Variants in MALRD1 observed in about 807,000 individuals in gnomAD.
MALRD1 encodes MAM and LDL-receptor class A domain-containing protein 1.
MALRD1 carries 247 observed loss-of-function variants against 242.1 expected under a neutral mutation model. That is an observed-to-expected ratio of 1.02 (90% CI 0.92 to 1.13). The LOEUF (loss-of-function observed/expected upper bound fraction) is 1.13, where lower values mean the gene tolerates loss of function less well. MALRD1 is among the 50% of genes most tolerant of loss of function. The pLI is 0.00. For synonymous variants in MALRD1, 995 were observed against 866.6 expected, an observed-to-expected ratio of 1.15 and a Z score of -2.60; for missense variants, 2,989 against 2,533.1, an observed-to-expected ratio of 1.18 and a Z score of -3.86.
intron 14 of MALRD1, 92 bp downstream of exon 14, chr10:19,175,420 C>T: frequency 1.1e-6 from 1 of 898,292 alleles, no homozygotes. Flanking sequence ...TCACGAATAC[C>T]TAATACAGGG....
At position 19,567,603 on chromosome 10, in the gene MALRD1, C is replaced by T. The variant is rs1206936211; in HGVS notation, c.5580C>T (p.Asn1860=). ...ATGGCTCTGTGCCTCTCTCCAGTAA[C>T]AGTCCGTTTAAGGTGGCATTTGAAG... ...WTYGSVPLSS[N]SPFKVAFEAD... Residue 1860 remains asparagine (N), a synonymous_variant, in exon 33 of 40, where the codon AAC becomes AAT. Coordinates refer to ENST00000454679, the MANE Select transcript of MALRD1 (RefSeq NM_001142308.3). 1 of 1,550,616 alleles carries T rather than the reference C, an allele frequency of 6.4e-7. No individual in the cohort carries two copies. The highest frequency in any genetic ancestry group is 2.4e-5 in the East Asian group (1 of 40,900).
At chr10:19,731,202 G>A (rs1835281524) in intron 39 of MALRD1, among the ~76,000 whole-genome samples, 1 of 152,178 alleles carries the variant, frequency 6.6e-6, no homozygotes, top group Non-Finnish European at 1.5e-5. Context: ...AGGGTGACTA[G>A]TGAGGGCCAT....
chr10:19,513,748 G>A (rs373831188), intron 31 of MALRD1, among the ~76,000 whole-genome samples: 7 of 149,368 alleles, frequency 4.7e-5, no homozygotes, highest in East Asian at 2.0e-4. Flanking sequence ...CAAAAGAAAA[G>A]AAAAAAAAAA....
intron 29 of MALRD1, among the ~76,000 whole-genome samples, chr10:19,465,089 T>C (rs899749148): frequency 6.6e-6 from 1 of 152,134 alleles, no homozygotes; most frequent in Non-Finnish European, 1.5e-5. Flanking sequence ...GCTGAATTTA[T>C]CAGTTTTAGG....
At chr10:19,705,361 A>T (rs1833814861) in intron 38 of MALRD1, among the ~76,000 whole-genome samples, 1 of 152,194 alleles carries the variant, frequency 6.6e-6, no homozygotes, top group Admixed American at 6.5e-5. Context: ...ACTTAGCCTT[A>T]GCAAACTGGA....
chr10:19,311,243 T>G (rs1215985281), intron 21 of MALRD1, among the ~76,000 whole-genome samples: 2 of 151,426 alleles, frequency 1.3e-5, no homozygotes, highest in Admixed American at 1.3e-4. Context: ...GATATGTTAC[T>G]TTTATTAACC....
chr10:19,286,793 G>A (rs11594285), intron 21 of MALRD1, among the ~76,000 whole-genome samples: 7,690 of 149,282 alleles, frequency 0.052, 243 homozygotes, highest in Middle Eastern at 0.14. Flanking sequence ...CAATAGAAAA[G>A]GAGGGAATCC....
At chr10:19,334,651 A>T (rs1002278313) in intron 24 of MALRD1, among the ~76,000 whole-genome samples, 1 of 151,914 alleles carries the variant, frequency 6.6e-6, no homozygotes, top group African/African-American at 2.4e-5. Context: ...ATTATTTATT[A>T]TATCCATTAT....
intron 1 of MALRD1, among the ~76,000 whole-genome samples, chr10:19,062,948 T>A (rs1834865230): frequency 6.6e-6 from 1 of 152,054 alleles, no homozygotes. Context: ...AAGTTCAAGA[T>A]TAGCCTGAGT....
intron 5 of MALRD1, among the ~76,000 whole-genome samples, chr10:19,109,313 G>T (rs573222168): frequency 1.3e-5 from 2 of 152,280 alleles, no homozygotes; most frequent in East Asian, 3.9e-4. Flanking sequence ...GCTGTTTCGT[G>T]TATTGAGGGT....
intron 2 of MALRD1, among the ~76,000 whole-genome samples, chr10:19,072,084 A>G (rs1399127523): frequency 6.6e-6 from 1 of 152,082 alleles, no homozygotes; most frequent in African/African-American, 2.4e-5. Flanking sequence ...ACCAGCAACC[A>G]TTTTCTTATC....
At chr10:19,698,549 A>G (rs549539341) in intron 38 of MALRD1, among the ~76,000 whole-genome samples, 3 of 152,282 alleles carry the variant, frequency 2.0e-5, no homozygotes, top group South Asian at 2.1e-4. Context: ...ATAGTGCGGT[A>G]TCTTTGGTGA....
At chr10:19,080,267 A>G (rs1835443481) in intron 2 of MALRD1, among the ~76,000 whole-genome samples, 1 of 151,974 alleles carries the variant, frequency 6.6e-6, no homozygotes, top group South Asian at 2.1e-4. Context: ...GGAAGGAACT[A>G]TTTTAAAATT....
chr10:19,519,049 G>A (rs79866639), intron 31 of MALRD1, among the ~76,000 whole-genome samples: 1 of 151,824 alleles, frequency 6.6e-6, no homozygotes, highest in African/African-American at 2.4e-5. Flanking sequence ...CTCTTTTTCT[G>A]TCTTTTCTTT....
intron 2 of MALRD1, among the ~76,000 whole-genome samples, chr10:19,086,208 T>C (rs914070970): frequency 2.6e-5 from 4 of 152,078 alleles, no homozygotes; most frequent in Admixed American, 6.6e-5. Flanking sequence ...GATGCAATTT[T>C]GGAATAGGAG....
chr10:19,392,848 A>G (rs1442790084), intron 28 of MALRD1, among the ~76,000 whole-genome samples: 1 of 152,164 alleles, frequency 6.6e-6, no homozygotes, highest in African/African-American at 2.4e-5. Context: ...TTTGTTTGGT[A>G]TGCGATCAGA....
At chr10:19,259,510 A>G (rs1367030068) in intron 19 of MALRD1, among the ~76,000 whole-genome samples, 1 of 152,174 alleles carries the variant, frequency 6.6e-6, no homozygotes, top group African/African-American at 2.4e-5. Flanking sequence ...TGTACAGGGT[A>G]ACTCCCCTTT....
intron 15 of MALRD1, 137 bp downstream of exon 15, chr10:19,204,017 T>C (rs1289650329): frequency 1.7e-6 from 2 of 1,143,800 alleles, no homozygotes; most frequent in Non-Finnish European, 2.5e-6. Context: ...ATTACAGTTA[T>C]GCTGTCTGCA....
intron 35 of MALRD1, among the ~76,000 whole-genome samples, chr10:19,609,907 A>G (rs1197527024): frequency 6.6e-6 from 1 of 151,952 alleles, no homozygotes; most frequent in Non-Finnish European, 1.5e-5. Flanking sequence ...GTAGGATGGG[A>G]CATTATAAAT....
Sources: allele counts gnomAD v4.1 joint callset (sites outside exome capture counted in the v4.1 genomes callset), GRCh38; gene constraint gnomAD v4.1.1; transcripts MANE v1.5; gene names NCBI Gene and HGNC (gene_info 2026-07-23, HGNC 2026-07-21).